The following RBKS variants were observed in gnomAD, a reference collection of about 807,000 sequenced individuals.
RBKS encodes ribokinase.
RBKS carries 33 observed loss-of-function variants against 33.9 expected under a neutral mutation model. The ratio of observed to expected loss-of-function variants is 0.97; its 90% CI spans 0.74 to 1.30. The LOEUF is 1.30. RBKS is among the 50% of genes most tolerant of loss of function. The pLI is 0.00. For missense variants in RBKS, 361 were observed against 392.6 expected (o/e 0.92, Z 0.68); for synonymous variants, 125 against 143.0 (o/e 0.87, Z 0.90).
At chr2:27,853,621 G>A (rs1208984351) in intron 2 of RBKS, among the ~76,000 whole-genome samples, 14 of 152,074 alleles carry the variant, frequency 9.2e-5, no homozygotes, top group Non-Finnish European at 2.9e-5. Flanking sequence ...TTGCACCACT[G>A]CACTCTAGCC....
At chr2:27,799,254 A>C (rs1677727802) in intron 7 of RBKS, among the ~76,000 whole-genome samples, 3 of 152,184 alleles carry the variant, frequency 2.0e-5, no homozygotes, top group Admixed American at 2.0e-4. Context: ...AAGTGATGAA[A>C]GTCTCCAAGG....
chr2:27,810,082 G>A lies in RBKS; in HGVS notation c.795+17485C>T, dbSNP rs763399102. 1.5e-6 allele frequency: 2 copies of A among 1,303,250 alleles called. No individual in the cohort carries two copies. The highest frequency in any genetic ancestry group is 2.0e-6 in the Non-Finnish European group (2 of 988,674). 80.7% of individuals were successfully genotyped at this position (1,303,250 alleles called of 1,614,324 possible). A position where few individuals can be genotyped will look rare whatever the true frequency, so the allele number is the denominator to read the frequency against. On this transcript the variant is annotated intron_variant, in intron 7 of 7. Coordinates refer to ENST00000302188, the MANE Select transcript of RBKS (RefSeq NM_022128.3). The surrounding 1 kb of genome is among the most constrained non-coding windows in gnomAD (Gnocchi z 4.4). The stretch of plus-strand genomic sequence containing the variant: ...AAGGAAGGAACTGAGCAATTGTTCT[G>A]TGAATCTAACTGCATTGAAAGCTGG...
chr2:27,803,356 C>G (rs972294664), intron 7 of RBKS, among the ~76,000 whole-genome samples: 1 of 152,224 alleles, frequency 6.6e-6, no homozygotes, highest in African/African-American at 2.4e-5. Flanking sequence ...TCGCAAATGT[C>G]CATGACTTTG....
At chr2:27,848,653 C>G (rs905581521) in intron 2 of RBKS, among the ~76,000 whole-genome samples, 2 of 151,958 alleles carry the variant, frequency 1.3e-5, no homozygotes, top group Non-Finnish European at 2.9e-5. Flanking sequence ...TATTTCTGTC[C>G]CATTCTATAG....
chr2:27,888,629 C>A (rs771229021), intron 1 of RBKS, among the ~76,000 whole-genome samples: 4 of 152,132 alleles, frequency 2.6e-5, no homozygotes, highest in African/African-American at 9.7e-5. Flanking sequence ...TACCATATAA[C>A]CTTTTCTTGA....
At chr2:27,787,231 A>C (rs1573030402) in intron 7 of RBKS, among the ~76,000 whole-genome samples, 1 of 152,154 alleles carries the variant, frequency 6.6e-6, no homozygotes, top group Admixed American at 6.5e-5. Context: ...ACTGGGAGCA[A>C]GACCAGCCTG....
At chr2:27,888,422 C>G in intron 1 of RBKS, among the ~76,000 whole-genome samples, 1 of 152,136 alleles carries the variant, frequency 6.6e-6, no homozygotes, top group Middle Eastern at 3.2e-3. Flanking sequence ...CCACTGCGCC[C>G]GGTCCACTTT....
chr2:27,872,138 C>T (rs1400294378), intron 1 of RBKS, among the ~76,000 whole-genome samples: 1 of 152,214 alleles, frequency 6.6e-6, no homozygotes, highest in Non-Finnish European at 1.5e-5. Context: ...GCTTTGCAGC[C>T]TGGTTCTTAA....
chr2:27,793,642 C>CT (rs1677580508), intron 7 of RBKS, among the ~76,000 whole-genome samples: 1 of 152,132 alleles, frequency 6.6e-6, no homozygotes, highest in Non-Finnish European at 1.5e-5. Context: ...TTCAAGGAGA[C>CT]TAAAGTAACA....
intron 1 of RBKS, among the ~76,000 whole-genome samples, chr2:27,868,699 G>A (rs1366947073): frequency 1.3e-5 from 2 of 152,122 alleles, no homozygotes; most frequent in East Asian, 3.8e-4. Flanking sequence ...GGCTTTCCTC[G>A]TGGTCTCTTG....
chr2:27,866,311 CT>C (rs538229728), intron 1 of RBKS, among the ~76,000 whole-genome samples: 2 of 151,936 alleles, frequency 1.3e-5, no homozygotes, highest in Non-Finnish European at 2.9e-5. Flanking sequence ...TAATGTGTAC[CT>C]TTTTTTTCTT....
chr2:27,844,229 C>T (rs1465161266), intron 4 of RBKS, among the ~76,000 whole-genome samples: 1 of 142,100 alleles, frequency 7.0e-6, no homozygotes, highest in Admixed American at 7.4e-5. Flanking sequence ...CATTGCATTC[C>T]AGCCTGGGCA....
chr2:27,857,229 T>C (rs1303499035), intron 2 of RBKS, among the ~76,000 whole-genome samples: 1 of 152,248 alleles, frequency 6.6e-6, no homozygotes, highest in East Asian at 1.9e-4. Context: ...CTCATTCTTT[T>C]AAGTTCCTTG....
intron 7 of RBKS, among the ~76,000 whole-genome samples, chr2:27,789,986 T>TATATATATATGTAG (rs1677490536): frequency 2.3e-5 from 3 of 130,932 alleles, no homozygotes; most frequent in Non-Finnish European, 3.2e-5. Flanking sequence ...TATATATATG[T>TATATATATATGTAG]AGAGAGAGAG....
chr2:27,791,565 G>C (rs890897437), intron 7 of RBKS, among the ~76,000 whole-genome samples: 19 of 150,442 alleles, frequency 1.3e-4, no homozygotes, highest in Non-Finnish European at 1.2e-4. Flanking sequence ...GCAGATCGTG[G>C]GCCTTCATGG....
intron 1 of RBKS, among the ~76,000 whole-genome samples, chr2:27,875,650 T>A (rs1664298602): frequency 6.6e-6 from 1 of 152,164 alleles, no homozygotes; most frequent in Admixed American, 6.5e-5. Context: ...GTCCAAAAGA[T>A]AAGTGTTCAA....
At chr2:27,872,890 T>C (rs1268231815) in intron 1 of RBKS, among the ~76,000 whole-genome samples, 6 of 152,006 alleles carry the variant, frequency 3.9e-5, no homozygotes, top group Admixed American at 3.9e-4. Context: ...AAGCAGAAGC[T>C]TGAATGGATG....
In RBKS at chr2:27,872,586, T is replaced by A. The variant is rs1413469011; in HGVS notation, c.90-14015A>T. ...CACTTTAATCAAAAGGTTAAATTCA[T>A]CAGCACCACAGGAAAGGGAGAAAAA... On this transcript the variant is annotated intron_variant, in intron 1 of 7. Coordinates refer to ENST00000302188, the MANE Select transcript of RBKS (RefSeq NM_022128.3). Among the ~76,000 whole-genome samples, 3 of 152,100 alleles carry A rather than the reference T, an allele frequency of 2.0e-5. No individual in the cohort carries two copies. The East Asian group carries it at 5.8e-4, about 29-fold the overall frequency.
intron 7 of RBKS, chr2:27,809,842 C>T (rs1677959419): frequency 3.2e-6 from 3 of 946,766 alleles, no homozygotes; most frequent in South Asian, 1.6e-5. Context: ...TTAGCACCAA[C>T]CACAGGTTCC....
Sources: gnomAD v4.1 joint callset for allele counts (sites outside exome capture counted in the v4.1 genomes callset) on GRCh38, gnomAD v4.1.1 for gene constraint, Gnocchi (gnomAD v3.1) non-coding constraint, MANE v1.5 for transcripts, NCBI Gene and HGNC (gene_info 2026-07-23, HGNC 2026-07-21) for gene names.